GLS: variants seen among roughly 807,000 people sequenced by gnomAD.
The protein encoded by GLS is glutaminase kidney isoform, mitochondrial.
Under a neutral mutation model 86.7 loss-of-function variants are expected in GLS, and 36 were observed. The observed-to-expected ratio is 0.42, with a 90% confidence interval of 0.32 to 0.55. GLS has a LOEUF of 0.55. Ranked by LOEUF, GLS falls within the 20% of genes least tolerant of loss-of-function variation. GLS has a pLI of 0.17. For missense variants in GLS, 528 were observed against 833.4 expected (o/e 0.63, Z 4.51); for synonymous variants, 317 against 305.9 (o/e 1.04, Z -0.38).
intron 6 of GLS, among the ~76,000 whole-genome samples, chr2:190,906,605 C>T (rs1323280503): frequency 6.6e-6 from 1 of 152,138 alleles, no homozygotes; most frequent in Admixed American, 6.5e-5. Context: ...GTTTTCTAAG[C>T]CTGAGCCAAC....
Position 190,954,156 on chromosome 2 carries a change from G to C in GLS, c.1713-428G>C, listed in dbSNP as rs757675375. 3.8e-4 allele frequency among the ~76,000 whole-genome samples: 58 copies of C among 151,438 alleles called. No homozygotes were observed. The highest frequency in any genetic ancestry group is 6.8e-4 in the Non-Finnish European group (46 of 67,920). The stretch of plus-strand genomic sequence containing the variant: ...TGATTTTCAAAGTGGAAAAATGTCT[G>C]TGCTTCCCCCCCTTGTTTTGAAGTC... On this transcript the variant is annotated intron_variant, in intron 15 of 17. Transcript: ENST00000320717. The surrounding 1 kb of genome is among the most constrained non-coding windows in gnomAD (Gnocchi z 4.0).
Position 190,881,347 on chromosome 2 carries a change from C to T in GLS, c.263C>T (p.Thr88Met), listed in dbSNP as rs1311470717. The change falls in exon 1 of 18, where the codon ACG becomes ATG. Residue 88 changes from threonine (T) to methionine (M), a missense_variant. By Grantham distance (81) the Thr-to-Met change is moderately conservative. Coordinates refer to ENST00000320717, the MANE Select transcript of GLS (RefSeq NM_014905.5). ...TTGCAGGAGCTGGGCAAGGGGAGCACGCATCCGCAGCCCGGGGTGTCGCCA... is the reference window on the plus strand; with the variant it reads ...TTGCAGGAGCTGGGCAAGGGGAGCATGCATCCGCAGCCCGGGGTGTCGCCA... ...EILQELGKGS[T>M]HPQPGVSPPA... 3.3e-6 allele frequency: 5 copies of T among 1,536,908 alleles called. No individual in the cohort carries two copies. The highest frequency in any genetic ancestry group is 2.8e-5 in the African/African-American group (2 of 71,506).
intron 4 of GLS, among the ~76,000 whole-genome samples, chr2:190,901,199 T>A (rs1178462015): frequency 6.6e-6 from 1 of 152,082 alleles, no homozygotes; most frequent in African/African-American, 2.4e-5. Context: ...TTTGACTCCC[T>A]TAAAACTTAA....
At chr2:190,932,619 C>T (rs1177396014) in intron 14 of GLS, 2 of 902,024 alleles carry the variant, frequency 2.2e-6, no homozygotes, top group African/African-American at 3.5e-5. Flanking sequence ...AAAATGTTAA[C>T]ATTTTAATAA....
chr2:190,925,081 G>A (rs1689856873), intron 11 of GLS, among the ~76,000 whole-genome samples: 1 of 152,082 alleles, frequency 6.6e-6, no homozygotes, highest in South Asian at 2.1e-4. Flanking sequence ...AAAATGTAAT[G>A]GGGACAATTT....
chr2:190,892,014 C>T (rs1353874199), intron 1 of GLS, among the ~76,000 whole-genome samples: 1 of 152,076 alleles, frequency 6.6e-6, no homozygotes, highest in African/African-American at 2.4e-5. Context: ...CTTATTAGAC[C>T]ACAGTGAAGT....
intron 14 of GLS, chr2:190,934,167 T>C: frequency 1.0e-6 from 1 of 983,014 alleles, no homozygotes; most frequent in Non-Finnish European, 1.2e-6. Flanking sequence ...AAGAAAAACT[T>C]GGTGGTTTCT....
chr2:190,913,434 G>T lies in GLS; in HGVS notation c.1038+3113G>T, dbSNP rs1385771561. On this transcript the variant is annotated intron_variant, in intron 7 of 17. Transcript: ENST00000320717. This position sits in a 1 kb window ranked among gnomAD's most constrained non-coding sequence, Gnocchi z 6.1. ...CACATAATTTTTAAAAATCATAAGG[G>T]TATTATACTTCCTCTCTTTTTCTCT... 3 of 879,098 alleles carry T rather than the reference G, an allele frequency of 3.4e-6. No homozygotes were observed. Among genetic ancestry groups the T allele is most frequent in the Non-Finnish European group, 4.3e-6 (3 of 705,838 alleles). The allele number at this position is 879,098 out of a possible 1,614,324, so 54.5% of individuals were successfully genotyped here. A position where few individuals can be genotyped will look rare whatever the true frequency, so the allele number is the denominator to read the frequency against.
At chr2:190,915,259 C>CAA (rs1457582431) in intron 7 of GLS, among the ~76,000 whole-genome samples, 5 of 151,762 alleles carry the variant, frequency 3.3e-5, no homozygotes, top group African/African-American at 9.7e-5. Context: ...CTCAGCCTCC[C>CAA]AAAGTGCTGG....
chr2:190,883,346 A>G (rs913866449), intron 1 of GLS, among the ~76,000 whole-genome samples: 3 of 152,146 alleles, frequency 2.0e-5, no homozygotes, highest in Admixed American at 6.5e-5. Context: ...CCTGGGAGGT[A>G]AGCTCCCAGT....
chr2:190,883,682 T>C (rs776981738), intron 1 of GLS, among the ~76,000 whole-genome samples: 1 of 152,212 alleles, frequency 6.6e-6, no homozygotes, highest in Admixed American at 6.5e-5. Context: ...CACAAAAATG[T>C]TTATCTTGAG....
chr2:190,941,620 A>G (rs1034342112), intron 14 of GLS, among the ~76,000 whole-genome samples: 3 of 152,174 alleles, frequency 2.0e-5, no homozygotes, highest in African/African-American at 7.2e-5. Context: ...GGAAGGTAAT[A>G]CAGTGTGTAA....
Position 190,935,289 on chromosome 2 carries a change from AT to A in GLS, c.1650+3656del. 1 of 531,330 alleles carries A rather than the reference AT, an allele frequency of 1.9e-6. No homozygotes were observed. Among genetic ancestry groups the A allele is most frequent in the Non-Finnish European group, 2.4e-6 (1 of 415,450 alleles). The allele number at this position is 531,330 out of a possible 1,614,324, so 32.9% of individuals were successfully genotyped here. On this transcript the variant is annotated intron_variant, in intron 14 of 17. Transcript: ENST00000320717. The surrounding 1 kb of genome is among the most constrained non-coding windows in gnomAD (Gnocchi z 4.2). Reference sequence around the variant, plus strand: ...TGCACAATAAATTTATTTTAAGCTGATTTTATTGTTTTTTTTGTTTTGTTTT... The same window carrying A: ...TGCACAATAAATTTATTTTAAGCTGATTTATTGTTTTTTTTGTTTTGTTTT...
In GLS at chr2:190,897,698, C is replaced by T. The variant is rs1005595130; in HGVS notation, c.605+1973C>T. 6.6e-6 allele frequency among the ~76,000 whole-genome samples: 1 copy of T among 152,124 alleles called. No homozygotes were observed. The highest frequency in any genetic ancestry group is 6.5e-5 in the Admixed American group (1 of 15,268). ...TCTGTTTTCAAATATAAGAAGTTAC[C>T]TAGTTAGTGTTGCCAGAAATAAACT... On this transcript the variant is annotated intron_variant, in intron 3 of 17. Transcript: ENST00000320717. The surrounding 1 kb of genome is among the most constrained non-coding windows in gnomAD (Gnocchi z 4.3).
intron 7 of GLS, among the ~76,000 whole-genome samples, chr2:190,910,772 A>G (rs187738377): frequency 6.6e-6 from 1 of 151,964 alleles, no homozygotes; most frequent in Admixed American, 6.5e-5. Context: ...TTTACCCTCA[A>G]ATATTCTCAA....
chr2:190,908,565 A>G (rs1336811286), intron 6 of GLS, among the ~76,000 whole-genome samples: 5 of 152,226 alleles, frequency 3.3e-5, no homozygotes, highest in Admixed American at 6.5e-5. Flanking sequence ...AGCCTTTATT[A>G]GTGTTGTAGG....
chr2:190,932,964 C>T (rs1444452893), intron 14 of GLS: 41 of 1,276,032 alleles, frequency 3.2e-5, no homozygotes, highest in Non-Finnish European at 4.1e-5. Context: ...ATTTTTTGTT[C>T]TCAATCTTGG....
rs189206611 is a variant in GLS, at chr2:190,957,492, C to A, written c.1853+2674C>A. Among the ~76,000 whole-genome samples the A allele has an allele frequency of 2.6e-5, 4 of 152,324 alleles. No individual in the cohort carries two copies. In the East Asian group the frequency reaches 7.7e-4, roughly 29 times the overall value. On this transcript the variant is annotated intron_variant, in intron 17 of 17. Transcript: ENST00000320717. ...GGCATCCTTGTCTTGTGCCAATTTT[C>A]AAAGGGAATGCTTCCAGTTTTTTGC...
rs1690250441 is a variant in GLS at position 190,935,642 on chromosome 2, C to G, written c.1650+4005C>G. 6.6e-6 allele frequency among the ~76,000 whole-genome samples: 1 copy of G among 151,128 alleles called. No homozygotes were observed. The highest frequency in any genetic ancestry group is 1.5e-5 in the Non-Finnish European group (1 of 67,264). ...CCTATTTGTAGGTTATTTCTGCTTT[C>G]TGAGGAGGAATATTGTTGTTATTCA... is the stretch of plus-strand genomic sequence containing the variant. On this transcript the variant is annotated intron_variant, in intron 14 of 17. Coordinates refer to ENST00000320717, the MANE Select transcript of GLS (RefSeq NM_014905.5). The surrounding 1 kb of genome is among the most constrained non-coding windows in gnomAD (Gnocchi z 4.2).
Sources: gnomAD v4.1 joint callset for allele counts (sites outside exome capture counted in the v4.1 genomes callset) on GRCh38, gnomAD v4.1.1 for gene constraint, Gnocchi (gnomAD v3.1) non-coding constraint, MANE v1.5 for transcripts, NCBI Gene and HGNC (gene_info 2026-07-23, HGNC 2026-07-21) for gene names.